The following ESRRG variants were observed in gnomAD, a reference collection of about 807,000 sequenced individuals.
The protein encoded by ESRRG is estrogen-related receptor gamma.
In ESRRG, 13 loss-of-function variants were observed where a neutral mutation model predicts 44.0. The ratio of observed to expected loss-of-function variants is 0.30; its 90% CI spans 0.19 to 0.47. The LOEUF (loss-of-function observed/expected upper bound fraction) is 0.47. ESRRG is among the 20% of genes least tolerant of loss of function. The pLI is 1.00. For missense variants in ESRRG, 395 were observed against 580.6 expected, an observed-to-expected ratio of 0.68 and a Z score of 3.29; for synonymous variants, 215 against 214.6, an observed-to-expected ratio of 1.00 and a Z score of -0.02.
chr1:217,072,066 T>C (rs2090631662), intron 1 of ESRRG, among the ~76,000 whole-genome samples: 1 of 152,220 alleles, frequency 6.6e-6, no homozygotes, highest in Non-Finnish European at 1.5e-5. Flanking sequence ...GTTGCACTTA[T>C]AATGTAATTA....
intron 2 of ESRRG, among the ~76,000 whole-genome samples, chr1:216,753,615 ATATTT>A (rs2152307945): frequency 6.6e-6 from 1 of 152,234 alleles, no homozygotes; most frequent in Non-Finnish European, 1.5e-5. Context: ...GGCTTTCCAC[ATATTT>A]TATAATAGTT....
intron 2 of ESRRG, among the ~76,000 whole-genome samples, chr1:216,853,968 T>A (rs999584160): frequency 1.3e-5 from 2 of 152,196 alleles, no homozygotes; most frequent in Non-Finnish European, 2.9e-5. Flanking sequence ...GTGCTAATCC[T>A]GACATAGAGC....
intron 5 of ESRRG, among the ~76,000 whole-genome samples, chr1:216,544,091 A>G (rs145779443): frequency 1.3e-4 from 20 of 152,154 alleles, no homozygotes; most frequent in Admixed American, 1.2e-3. Context: ...GATGACAACA[A>G]TTTCACAGGG....
At chr1:216,882,266 T>G (rs1482761824) in intron 2 of ESRRG, among the ~76,000 whole-genome samples, 1 of 152,152 alleles carries the variant, frequency 6.6e-6, no homozygotes, top group Non-Finnish European at 1.5e-5. Flanking sequence ...CCATCAGCTT[T>G]GAAACAAAAT....
chr1:216,651,628 T>C (rs931281432), intron 2 of ESRRG, among the ~76,000 whole-genome samples: 1 of 152,138 alleles, frequency 6.6e-6, no homozygotes, highest in Non-Finnish European at 1.5e-5. Flanking sequence ...GCTTTAGCAC[T>C]TACCAGAGCC....
At chr1:216,550,983 G>A (rs777800722) in intron 5 of ESRRG, among the ~76,000 whole-genome samples, 1 of 152,202 alleles carries the variant, frequency 6.6e-6, no homozygotes, top group African/African-American at 2.4e-5. Flanking sequence ...GCCGCAGAAC[G>A]GTCAATGCTG....
intron 5 of ESRRG, among the ~76,000 whole-genome samples, chr1:216,558,155 T>A (rs60945404): frequency 0.015 from 2,336 of 152,292 alleles, 55 homozygotes; most frequent in East Asian, 0.059. Context: ...GAAACCTAGC[T>A]ACTTCTCTGT....
At chr1:217,029,167 T>C (rs2081658093) in intron 1 of ESRRG, among the ~76,000 whole-genome samples, 1 of 152,232 alleles carries the variant, frequency 6.6e-6, no homozygotes, top group South Asian at 2.1e-4. Flanking sequence ...ACTACAGAAA[T>C]GCCCATGGGC....
At chr1:217,043,877 C>G (rs2084340548) in intron 1 of ESRRG, among the ~76,000 whole-genome samples, 1 of 151,868 alleles carries the variant, frequency 6.6e-6, no homozygotes, top group African/African-American at 2.4e-5. Flanking sequence ...ATATTAGCAA[C>G]AGCTTCAGTC....
chr1:216,567,664 G>A (rs745799815), intron 4 of ESRRG, among the ~76,000 whole-genome samples: 2 of 152,074 alleles, frequency 1.3e-5, no homozygotes, highest in South Asian at 2.1e-4. Flanking sequence ...TCCATTTTAT[G>A]TACCTCTGCA....
intron 1 of ESRRG, among the ~76,000 whole-genome samples, chr1:217,124,610 TG>T: frequency 6.6e-6 from 1 of 152,212 alleles, no homozygotes. Flanking sequence ...ATCCATCAGA[TG>T]AATACACCAC....
chr1:216,964,443 A>G (rs1291265590), intron 1 of ESRRG, among the ~76,000 whole-genome samples: 1 of 152,080 alleles, frequency 6.6e-6, no homozygotes, highest in Non-Finnish European at 1.5e-5. Context: ...CCACTTCCCT[A>G]TCCCATGGGC....
chr1:217,072,171 C>T (rs1265955684), intron 1 of ESRRG, among the ~76,000 whole-genome samples: 1 of 152,236 alleles, frequency 6.6e-6, no homozygotes, highest in African/African-American at 2.4e-5. Context: ...CAGTGCTCAT[C>T]TGCAGTATGT....
intron 1 of ESRRG, among the ~76,000 whole-genome samples, chr1:217,104,975 C>A (rs1355927858): frequency 3.9e-5 from 6 of 152,172 alleles, no homozygotes; most frequent in African/African-American, 1.4e-4. Context: ...CATGGCTAAT[C>A]ATGTTCTGTG....
At chr1:216,772,331 A>C (rs777980604) in intron 2 of ESRRG, among the ~76,000 whole-genome samples, 7 of 151,788 alleles carry the variant, frequency 4.6e-5, no homozygotes, top group Non-Finnish European at 7.4e-5. Context: ...TCCCAAAAGA[A>C]CTCTGCTCTC....
chr1:216,826,712 C>G (rs2095403307), intron 2 of ESRRG, among the ~76,000 whole-genome samples: 2 of 152,086 alleles, frequency 1.3e-5, no homozygotes, highest in Non-Finnish European at 2.9e-5. Context: ...AAGTCTTTGT[C>G]TTAATTTTAG....
At chr1:216,724,062 G>C (rs190778355), upstream of ESRRG, among the ~76,000 whole-genome samples, 40 of 152,264 alleles carry the variant, frequency 2.6e-4, no homozygotes, top group Non-Finnish European at 5.7e-4. Flanking sequence ...CTTCTAAATT[G>C]TTTGAGCATG....
intron 1 of ESRRG, among the ~76,000 whole-genome samples, chr1:216,963,051 A>ACAGGAAAATAATC (rs2069450469): frequency 6.6e-6 from 1 of 152,186 alleles, no homozygotes; most frequent in Admixed American, 6.5e-5. Flanking sequence ...TTGTGAAAGG[A>ACAGGAAAATAATC]CAGGAAAATA....
intron 2 of ESRRG, among the ~76,000 whole-genome samples, chr1:216,749,861 T>A (rs1388383739): frequency 6.6e-6 from 1 of 152,144 alleles, no homozygotes; most frequent in African/African-American, 2.4e-5. Flanking sequence ...ATAAGTATAA[T>A]GAAGTTAACA....
Sources: gnomAD v4.1 joint callset for allele counts (sites outside exome capture counted in the v4.1 genomes callset) on GRCh38, gnomAD v4.1.1 for gene constraint, MANE v1.5 for transcripts, NCBI Gene and HGNC (gene_info 2026-07-23, HGNC 2026-07-21) for gene names.